GALNTL6: variants seen among roughly 807,000 people sequenced by gnomAD.
The protein encoded by GALNTL6 is polypeptide N-acetylgalactosaminyltransferase-like 6.
Under a neutral mutation model 73.7 loss-of-function variants are expected in GALNTL6, and 46 were observed. The observed-to-expected ratio is 0.62, with a 90% CI of 0.49 to 0.80. The LOEUF (loss-of-function observed/expected upper bound fraction) is 0.80. GALNTL6 is among the 30% of genes least tolerant of loss of function. The pLI is 0.00. For missense variants in GALNTL6, 604 were observed against 755.0 expected, an observed-to-expected ratio of 0.80 and a Z score of 2.34; for synonymous variants, 259 against 263.7, an observed-to-expected ratio of 0.98 and a Z score of 0.17.
At chr4:172,246,936 ATCT>A (rs1352564075) in intron 3 of GALNTL6, among the ~76,000 whole-genome samples, 2 of 151,788 alleles carry the variant, frequency 1.3e-5, no homozygotes, top group Non-Finnish European at 2.9e-5. Context: ...CTTTCTTCTT[ATCT>A]TCTTATTGAC....
At chr4:171,992,240 C>T (rs1159379883) in intron 2 of GALNTL6, among the ~76,000 whole-genome samples, 1 of 151,956 alleles carries the variant, frequency 6.6e-6, no homozygotes, top group East Asian at 1.9e-4. Context: ...AAGAACTGAT[C>T]TATACTGCTG....
chr4:172,395,099 G>T (rs1743801238), intron 5 of GALNTL6, among the ~76,000 whole-genome samples: 1 of 152,068 alleles, frequency 6.6e-6, no homozygotes, highest in African/African-American at 2.4e-5. Flanking sequence ...AAATTGACAG[G>T]CTTTCGCTAG....
chr4:172,441,417 T>C (rs996639178), intron 5 of GALNTL6, among the ~76,000 whole-genome samples: 2 of 152,164 alleles, frequency 1.3e-5, no homozygotes, highest in African/African-American at 4.8e-5. Flanking sequence ...CAATACTCAA[T>C]GCTTTCGTGG....
intron 5 of GALNTL6, among the ~76,000 whole-genome samples, chr4:172,783,794 A>T (rs1053398663): frequency 7.9e-5 from 12 of 152,060 alleles, no homozygotes; most frequent in Admixed American, 3.9e-4. Flanking sequence ...TATTTGTTTC[A>T]TAAGCACTTG....
At chr4:171,825,991 CA>C (rs1417733941) in intron 2 of GALNTL6, among the ~76,000 whole-genome samples, 2 of 152,260 alleles carry the variant, frequency 1.3e-5, no homozygotes, top group African/African-American at 4.8e-5. Context: ...CCAAACTACG[CA>C]ACCAGAAAGT....
At chr4:173,024,098 G>A (rs765867490) in intron 12 of GALNTL6, among the ~76,000 whole-genome samples, 1 of 152,078 alleles carries the variant, frequency 6.6e-6, no homozygotes, top group Non-Finnish European at 1.5e-5. Context: ...GCTTACAAAA[G>A]TTTACAGATG....
intron 7 of GALNTL6, among the ~76,000 whole-genome samples, chr4:172,821,499 A>C (rs1420910560): frequency 2.0e-5 from 3 of 152,226 alleles, no homozygotes; most frequent in Non-Finnish European, 2.9e-5. Context: ...GAAAGGAAAC[A>C]GATTGCCTTG....
chr4:172,314,214 A>G (rs1740464508), intron 4 of GALNTL6, among the ~76,000 whole-genome samples: 1 of 152,244 alleles, frequency 6.6e-6, no homozygotes, highest in Admixed American at 6.5e-5. Context: ...TCTATAGAAT[A>G]GAATGCAAAC....
chr4:172,458,746 C>T (rs1358033728), intron 5 of GALNTL6, among the ~76,000 whole-genome samples: 1 of 152,064 alleles, frequency 6.6e-6, no homozygotes, highest in African/African-American at 2.4e-5. Context: ...AATAAAAGCC[C>T]AGGACCAGAC....
intron 5 of GALNTL6, among the ~76,000 whole-genome samples, chr4:172,720,820 T>C (rs186686422): frequency 1.4e-4 from 22 of 152,358 alleles, no homozygotes; most frequent in Admixed American, 9.8e-4. Flanking sequence ...CCTCCACTTA[T>C]TCTACCTTTC....
chr4:172,238,174 C>A (rs1344508429), intron 3 of GALNTL6, among the ~76,000 whole-genome samples: 1 of 152,112 alleles, frequency 6.6e-6, no homozygotes, highest in Non-Finnish European at 1.5e-5. Flanking sequence ...AGCATTGAAT[C>A]TGTAAACTGA....
At chr4:172,654,228 A>G (rs1446832915) in intron 5 of GALNTL6, among the ~76,000 whole-genome samples, 1 of 152,178 alleles carries the variant, frequency 6.6e-6, no homozygotes, top group East Asian at 1.9e-4. Flanking sequence ...AGATTGCTTA[A>G]TGTCTCCTTT....
At chr4:172,861,757 C>A (rs185315373) in intron 7 of GALNTL6, among the ~76,000 whole-genome samples, 3 of 152,298 alleles carry the variant, frequency 2.0e-5, no homozygotes, top group South Asian at 2.1e-4. Flanking sequence ...GGTTTTATAA[C>A]GGGGAGTTCC....
intron 5 of GALNTL6, among the ~76,000 whole-genome samples, chr4:172,607,354 C>T (rs1277639089): frequency 6.6e-6 from 1 of 152,220 alleles, no homozygotes; most frequent in East Asian, 1.9e-4. Flanking sequence ...TTCATGTGTA[C>T]TCAATGTTTA....
intron 5 of GALNTL6, among the ~76,000 whole-genome samples, chr4:172,362,395 T>C (rs1048223909): frequency 1.3e-5 from 2 of 148,292 alleles, no homozygotes; most frequent in Non-Finnish European, 3.0e-5. Flanking sequence ...CTTAATTTAT[T>C]TAATGTAATA....
intron 2 of GALNTL6, among the ~76,000 whole-genome samples, chr4:171,874,742 C>T (rs7676573): frequency 0.031 from 4,680 of 152,158 alleles, 229 homozygotes; most frequent in African/African-American, 0.11. Flanking sequence ...AGAAACAAAC[C>T]AACCCAAGAA....
chr4:172,241,606 G>A (rs1737436637), intron 3 of GALNTL6, among the ~76,000 whole-genome samples: 1 of 152,180 alleles, frequency 6.6e-6, no homozygotes, highest in African/African-American at 2.4e-5. Context: ...GGTAGAAGAA[G>A]GGTATGAAAC....
intron 7 of GALNTL6, among the ~76,000 whole-genome samples, chr4:172,840,075 A>C (rs1464080313): frequency 6.6e-6 from 1 of 152,220 alleles, no homozygotes; most frequent in Non-Finnish European, 1.5e-5. Context: ...ACACATCCAC[A>C]GTAAGTCAGC....
chr4:173,018,015 T>G (rs766267091), intron 11 of GALNTL6, among the ~76,000 whole-genome samples: 6 of 152,208 alleles, frequency 3.9e-5, no homozygotes, highest in Non-Finnish European at 8.8e-5. Context: ...CATGAGGGAC[T>G]GTACTAGGTA....
Sources: allele counts gnomAD v4.1 joint callset (sites outside exome capture counted in the v4.1 genomes callset), GRCh38; gene constraint gnomAD v4.1.1; transcripts MANE v1.5; gene names NCBI Gene and HGNC (gene_info 2026-07-23, HGNC 2026-07-21).